The following SUPT3H variants were observed in gnomAD, a reference collection of about 807,000 sequenced individuals.
SUPT3H encodes SPT3 homolog, SAGA and STAGA complex component.
A neutral mutation model predicts 44.3 loss-of-function variants in SUPT3H; 44 were observed. The observed-to-expected ratio is 0.99, with a 90% confidence interval of 0.78 to 1.28. SUPT3H has a LOEUF of 1.28. SUPT3H is among the 50% of genes most tolerant of loss of function. SUPT3H has a pLI of 0.00. For missense variants in SUPT3H, 380 were observed against 387.1 expected (o/e 0.98, Z 0.15); for synonymous variants, 124 against 125.6 (o/e 0.99, Z 0.09).
At chr6:45,249,551 G>T (rs545043222) in intron 2 of SUPT3H, among the ~76,000 whole-genome samples, 23 of 152,186 alleles carry the variant, frequency 1.5e-4, no homozygotes, top group African/African-American at 5.1e-4. Context: ...AGCCCAGGGG[G>T]ATTAACTCAG....
At chr6:44,844,285 T>G (rs1771503325) in intron 10 of SUPT3H, among the ~76,000 whole-genome samples, 1 of 152,132 alleles carries the variant, frequency 6.6e-6, no homozygotes, top group Non-Finnish European at 1.5e-5. Context: ...ACCATAAAAA[T>G]TCTAGAAGAA....
In SUPT3H at chr6:44,952,807, G is replaced by T. The variant is rs1774509950; in HGVS notation, c.801+503C>A. On this transcript the variant is annotated intron_variant, in intron 9 of 10. Transcript: ENST00000371459. ...CCCATAGCAAAGCCAGATCAGAAAAGAATATAATTTTCACATAGTAGGGGC... is the reference window on the plus strand; with the variant it reads ...CCCATAGCAAAGCCAGATCAGAAAATAATATAATTTTCACATAGTAGGGGC... Among the ~76,000 whole-genome samples the T allele has an allele frequency of 2.0e-5, 3 of 152,112 alleles. No individual in the cohort carries two copies. The East Asian group carries it at 5.8e-4, about 29-fold the overall frequency.
chr6:45,020,537 T>TTA lies in SUPT3H; in HGVS notation c.273+7_273+8dup. 1.9e-6 allele frequency: 3 copies of TTA among 1,599,422 alleles called. No homozygotes were observed. The highest frequency in any genetic ancestry group is 2.6e-6 in the Non-Finnish European group (3 of 1,170,258). ...TGGATTTTAATACAATAAAATTATG[T>TTA]TATATTACCTTATCTTTGCGCATCA... On this transcript the variant is annotated intron_variant, in intron 4 of 10. Transcript: ENST00000371459.
chr6:45,231,569 G>A (rs941788944), intron 2 of SUPT3H, among the ~76,000 whole-genome samples: 6 of 152,100 alleles, frequency 3.9e-5, no homozygotes, highest in African/African-American at 1.4e-4. Context: ...AATGTGGGGT[G>A]GAGAAACCTT....
At chr6:44,936,253 T>C (rs530639920) in intron 9 of SUPT3H, among the ~76,000 whole-genome samples, 186 of 152,356 alleles carry the variant, frequency 1.2e-3, no homozygotes, top group African/African-American at 4.1e-3. Context: ...CCAAAGGATA[T>C]AGTGTACAAC....
chr6:45,172,553 G>GAA (rs944508659), intron 2 of SUPT3H, among the ~76,000 whole-genome samples: 1 of 147,598 alleles, frequency 6.8e-6, no homozygotes, highest in African/African-American at 2.5e-5. Flanking sequence ...CTGAAAACAG[G>GAA]AAAAAAAAAG....
intron 2 of SUPT3H, among the ~76,000 whole-genome samples, chr6:45,307,307 G>C (rs949621928): frequency 6.6e-6 from 1 of 152,206 alleles, no homozygotes; most frequent in East Asian, 1.9e-4. Context: ...TCTGAGAACA[G>C]ACAGACTGCC....
At chr6:45,198,541 A>C (rs571068980) in intron 2 of SUPT3H, among the ~76,000 whole-genome samples, 1 of 151,488 alleles carries the variant, frequency 6.6e-6, no homozygotes, top group African/African-American at 2.4e-5. Flanking sequence ...ATTTGCTGAA[A>C]TTTTCACTTG....
rs1364449983 is a variant in SUPT3H, at chr6:44,894,255, T to G, written c.912+38398A>C. 1.2e-4 allele frequency among the ~76,000 whole-genome samples: 18 copies of G among 150,766 alleles called. No homozygotes were observed. The East Asian group carries it at 1.6e-3, about 13-fold the overall frequency. On this transcript the variant is annotated intron_variant, in intron 10 of 10. Transcript: ENST00000371459. ...GATCCCATTTCTCAATTTTGGCTTTTGTTGCCATTGCTTTTGGTGTTTTAG... is the reference window on the plus strand; with the variant it reads ...GATCCCATTTCTCAATTTTGGCTTTGGTTGCCATTGCTTTTGGTGTTTTAG...
chr6:45,040,424 AAT>A (rs1788354220), intron 3 of SUPT3H, among the ~76,000 whole-genome samples: 1 of 152,242 alleles, frequency 6.6e-6, no homozygotes, highest in Non-Finnish European at 1.5e-5. Flanking sequence ...GCAGATTAAG[AAT>A]AGTCACAATA....
chr6:44,857,043 A>T (rs1393967269), intron 10 of SUPT3H, among the ~76,000 whole-genome samples: 1 of 152,198 alleles, frequency 6.6e-6, no homozygotes, highest in Non-Finnish European at 1.5e-5. Context: ...AACCCAAAAC[A>T]TAGGCTCAAC....
chr6:45,149,753 A>G (rs77752628), intron 2 of SUPT3H, among the ~76,000 whole-genome samples: 3,097 of 152,238 alleles, frequency 0.02, 44 homozygotes, highest in Non-Finnish European at 0.033. Flanking sequence ...CAATCTGGAC[A>G]AAAAAACTTT....
intron 2 of SUPT3H, among the ~76,000 whole-genome samples, chr6:45,136,642 C>T (rs1804331218): frequency 6.6e-6 from 1 of 150,582 alleles, no homozygotes; most frequent in African/African-American, 2.4e-5. Context: ...TTGAAAAGTA[C>T]AGTAACTGAA....
At chr6:45,062,418 C>G (rs1463981579) in intron 3 of SUPT3H, among the ~76,000 whole-genome samples, 2 of 151,488 alleles carry the variant, frequency 1.3e-5, no homozygotes, top group African/African-American at 4.9e-5. Context: ...AGCATCAAAG[C>G]GGATCAGCCT....
At chr6:44,958,568 T>A (rs1424033571) in intron 7 of SUPT3H, among the ~76,000 whole-genome samples, 1 of 152,174 alleles carries the variant, frequency 6.6e-6, no homozygotes, top group East Asian at 1.9e-4. Context: ...AGTGTGTTCA[T>A]TTCCCCATAT....
rs890475797 is a variant in SUPT3H, at chr6:45,351,321, T to C, written c.101+13880A>G. ...AACCCATCAAGATCACAACTTCCTATGCATTCTACTAAATTCAACACCTAC... is the reference window on the plus strand; with the variant it reads ...AACCCATCAAGATCACAACTTCCTACGCATTCTACTAAATTCAACACCTAC... On this transcript the variant is annotated intron_variant, in intron 2 of 10. Transcript: ENST00000371459. Among the ~76,000 whole-genome samples the C allele has an allele frequency of 7.2e-5, 11 of 151,994 alleles. 1 individual carries two copies. The highest frequency in any genetic ancestry group is 6.6e-4 in the Admixed American group (10 of 15,230).
chr6:45,182,010 G>T (rs1053201228), intron 2 of SUPT3H, among the ~76,000 whole-genome samples: 1 of 152,094 alleles, frequency 6.6e-6, no homozygotes, highest in Non-Finnish European at 1.5e-5. Flanking sequence ...TTGAGAGTAA[G>T]CCCATCCTTT....
chr6:45,162,221 A>T (rs1427018470), intron 2 of SUPT3H, among the ~76,000 whole-genome samples: 3 of 151,918 alleles, frequency 2.0e-5, no homozygotes, highest in African/African-American at 7.3e-5. Flanking sequence ...GAGACTCATT[A>T]AAAAAAGAAG....
chr6:45,176,164 T>C (rs6926017), intron 2 of SUPT3H, among the ~76,000 whole-genome samples: 92,114 of 149,554 alleles, frequency 0.62, 28,865 homozygotes, highest in African/African-American at 0.76. Flanking sequence ...TCTGAGGTAC[T>C]GGGTTCATCT....
Sources: allele counts gnomAD v4.1 joint callset (sites outside exome capture counted in the v4.1 genomes callset), GRCh38; gene constraint gnomAD v4.1.1; transcripts MANE v1.5; gene names NCBI Gene and HGNC (gene_info 2026-07-23, HGNC 2026-07-21).